DNAJB2: variants seen among roughly 807,000 people sequenced by gnomAD.
DNAJB2 encodes the protein DnaJ heat shock protein family (Hsp40) member B2.
In DNAJB2, 19 loss-of-function variants were observed where a neutral mutation model predicts 33.3. The observed-to-expected ratio is 0.57, with a 90% CI of 0.40 to 0.84. The LOEUF (loss-of-function observed/expected upper bound fraction) is 0.84. Ranked by LOEUF, DNAJB2 falls within the 40% of genes least tolerant of loss-of-function variation. The pLI, the probability that DNAJB2 is intolerant of heterozygous loss-of-function variation, is 0.00. For synonymous variants in DNAJB2, 172 were observed against 164.6 expected, an observed-to-expected ratio of 1.04 and a Z score of -0.34; for missense variants, 368 against 430.9, an observed-to-expected ratio of 0.85 and a Z score of 1.29.
At position 219,284,712 on chromosome 2, in the gene DNAJB2, A is replaced by G; in HGVS notation, c.700A>G (p.Thr234Ala). 1 of 1,612,852 alleles carries G rather than the reference A, an allele frequency of 6.2e-7. No individual in the cohort carries two copies. The highest frequency in any genetic ancestry group is 1.3e-5 in the African/African-American group (1 of 75,002). ...QPSVTSRSGG[T>A]QVQQTPASCP... is the part of the protein sequence containing the mutation. Reference sequence around the variant, plus strand: ...GTCAGTCACTTCCAGGTCTGGGGGCACTCAGGTCCAGCAGACCCCTGCCTC... The same window carrying G: ...GTCAGTCACTTCCAGGTCTGGGGGCGCTCAGGTCCAGCAGACCCCTGCCTC... The change falls in exon 9 of 9, where the codon ACT becomes GCT. Residue 234 changes from threonine (T) to alanine (A), a missense_variant. Transcript: ENST00000336576.
chr2:219,285,604 G>C lies in DNAJB2; in HGVS notation c.*617G>C. On this transcript the variant is annotated 3_prime_UTR_variant, in exon 9 of 9. Transcript: ENST00000336576. ...GGACTCCCTTCTTCCTTCCTTCCCC[G>C]AGAAGGCCTCAATGTGGCGAGGAAG... 1 of 1,073,070 alleles carries C rather than the reference G, an allele frequency of 9.3e-7. No homozygotes were observed. Among genetic ancestry groups the C allele is most frequent in the Non-Finnish European group, 1.1e-6 (1 of 885,624 alleles). 66.5% of individuals were successfully genotyped at this position (1,073,070 alleles called of 1,614,324 possible).
intron 3 of DNAJB2, chr2:219,281,434 G>A (rs747405713): frequency 7.7e-5 from 35 of 453,740 alleles, no homozygotes; most frequent in Non-Finnish European, 1.1e-4. Context: ...TATGTGTCAG[G>A]CACTGGTAGG....
rs569003467 is a variant in DNAJB2 at position 219,279,960 on chromosome 2, C to T, written c.65+62C>T. ...CTCCACCCGCCACCACCATGGGGCA[C>T]TTCAGAGTGACACCTGTAGGTGTCT... On this transcript the variant is annotated intron_variant, in intron 2 of 8. Transcript: ENST00000336576. This position sits in a 1 kb window ranked among gnomAD's most constrained non-coding sequence, Gnocchi z 4.9. 285 of 1,589,226 alleles carry T rather than the reference C, an allele frequency of 1.8e-4. 4 individuals carry two copies. In the South Asian group the frequency reaches 3.0e-3, roughly 17 times the overall value.
In DNAJB2 at chr2:219,285,776, G is replaced by T. The variant is rs1574902945; in HGVS notation, c.*789G>T. The T allele has an allele frequency of 1.5e-6, 2 of 1,363,412 alleles. No individual in the cohort carries two copies. The highest frequency in any genetic ancestry group is 5.3e-5 in the East Asian group (2 of 37,988). The allele number at this position is 1,363,412 out of a possible 1,614,324, so 84.5% of individuals were successfully genotyped here. A position where few individuals can be genotyped will look rare whatever the true frequency, so the allele number is the denominator to read the frequency against. On this transcript the variant is annotated 3_prime_UTR_variant, in exon 9 of 9. Transcript: ENST00000336576. ...GCCCTCACCCTCAGGACTAGGCAGA[G>T]GTGAGGCTGGCTCACCCTGAAGAGG...
chr2:219,284,497 C>G, intron 8 of DNAJB2, 135 bp from the exon 9 acceptor site: 2 of 1,139,636 alleles, frequency 1.8e-6, no homozygotes, highest in Non-Finnish European at 2.4e-6. Flanking sequence ...AAATCACAAG[C>G]CTAGGTGCCA....
Position 219,281,929 on chromosome 2 carries a change from G to T in DNAJB2, c.230-10G>T, listed in dbSNP as rs3731897. ...ATGCCCTAAGCTCTCTCCTCATCCT[G>T]CCTTTCCAGGAACTGGCCCATCTCG... On this transcript the variant is annotated splice_polypyrimidine_tract_variant and intron_variant, in intron 4 of 8. Coordinates refer to ENST00000336576, the MANE Select transcript of DNAJB2 (RefSeq NM_006736.6). 6.2e-7 allele frequency: 1 copy of T among 1,613,658 alleles called. No homozygotes were observed. Among genetic ancestry groups the T allele is most frequent in the Non-Finnish European group, 8.5e-7 (1 of 1,179,870 alleles).
Position 219,281,935 on chromosome 2 carries a change from C to A in DNAJB2, c.230-4C>A, listed in dbSNP as rs1951908527. Reference sequence around the variant, plus strand: ...TAAGCTCTCTCCTCATCCTGCCTTTCCAGGAACTGGCCCATCTCGGGCAGA... The same window carrying A: ...TAAGCTCTCTCCTCATCCTGCCTTTACAGGAACTGGCCCATCTCGGGCAGA... On this transcript the variant is annotated splice_polypyrimidine_tract_variant and splice_region_variant and intron_variant, in intron 4 of 8. Transcript: ENST00000336576. 2 of 1,614,028 alleles carry A rather than the reference C, an allele frequency of 1.2e-6. No homozygotes were observed. The highest frequency in any genetic ancestry group is 2.7e-5 in the African/African-American group (2 of 75,046).
chr2:219,284,582 T>C, intron 8 of DNAJB2, 50 bp from the exon 9 acceptor site: 1 of 1,535,762 alleles, frequency 6.5e-7, no homozygotes, highest in Non-Finnish European at 8.8e-7. Flanking sequence ...AGCCTGGCAG[T>C]AATACCCCTG....
rs1454600360 is a variant in DNAJB2, at chr2:219,283,437, G to T, written c.567G>T (p.Gln189His). ...CCCACAGAATCATGGAGAACGGGCA[G>T]GAGCGGGTGGAAGTGGAGGAGGATG... Reference protein sequence around the residue: ...ITTRRIMENGQERVEVEEDGQ... With the variant: ...ITTRRIMENGHERVEVEEDGQ... The change falls in exon 8 of 9, where the codon CAG becomes CAT. Residue 189 changes from glutamine to histidine, a missense_variant. By Grantham distance (24) the Gln-to-His change is conservative (BLOSUM62 0). Coordinates refer to ENST00000336576, the MANE Select transcript of DNAJB2 (RefSeq NM_006736.6). The T allele has an allele frequency of 3.1e-6, 5 of 1,614,016 alleles. No individual in the cohort carries two copies. In the Admixed American group the frequency reaches 8.3e-5, roughly 27 times the overall value.
In DNAJB2 at chr2:219,284,886, C is replaced by T; in HGVS notation, c.874C>T (p.Gln292Ter). 1.2e-6 allele frequency: 2 copies of T among 1,606,720 alleles called. No individual in the cohort carries two copies. Among genetic ancestry groups the T allele is most frequent in the Non-Finnish European group, 8.5e-7 (1 of 1,175,302 alleles). Residue 292 changes from glutamine to a stop codon, truncating the protein, a stop_gained, in exon 9 of 9, where the codon CAA (glutamine) becomes TAA (stop). Transcript: ENST00000336576. LOFTEE classifies it high-confidence loss of function. ...GCAGGGGCGGCCCAAGGCCCAGCACCAAGATCCAGGCTTGGGGGGGACCCA... is the reference window on the plus strand; with the variant it reads ...GCAGGGGCGGCCCAAGGCCCAGCACTAAGATCCAGGCTTGGGGGGGACCCA... ...RRQGRPKAQH[Q>*]DPGLGGTQEG... is the part of the protein sequence containing the mutation.
chr2:219,281,630 C>G, intron 3 of DNAJB2, 88 bp from the exon 4 acceptor site: 1 of 1,561,856 alleles, frequency 6.4e-7, no homozygotes, highest in East Asian at 2.3e-5. Flanking sequence ...GTCAGAGTGT[C>G]AGTCTCTGGA....
Position 219,279,863 on chromosome 2 carries a change from G to A in DNAJB2, c.30G>A (p.Val10=). 3 of 1,614,004 alleles carry A rather than the reference G, an allele frequency of 1.9e-6. No individual in the cohort carries two copies. Among genetic ancestry groups the A allele is most frequent in the Non-Finnish European group, 2.5e-6 (3 of 1,179,986 alleles). The change falls in exon 2 of 9, where the codon GTG becomes GTA. Residue 10 remains valine (V), a synonymous_variant. Transcript: ENST00000336576. This position sits in a 1 kb window ranked among gnomAD's most constrained non-coding sequence, Gnocchi z 4.9. ...CATCCTACTACGAGATCCTAGACGT[G>A]CCGCGAAGTGCGTCCGCTGATGACA... MASYYEILD[V]PRSASADDIK... is the part of the protein sequence containing the mutation.
chr2:219,279,798 C>T lies in DNAJB2; in HGVS notation c.-36C>T, dbSNP rs770735247. 44 of 1,612,262 alleles carry T rather than the reference C, an allele frequency of 2.7e-5. No individual in the cohort carries two copies. The East Asian group carries it at 8.9e-4, about 33-fold the overall frequency. ...CCGCCTGACTCCTTCTCTTCTGCAG[C>T]CCCAAGGAGGCCCGCCTGACGACTG... On this transcript the variant is annotated splice_region_variant and 5_prime_UTR_variant, in exon 2 of 9. Coordinates refer to ENST00000336576, the MANE Select transcript of DNAJB2 (RefSeq NM_006736.6). The surrounding 1 kb of genome is among the most constrained non-coding windows in gnomAD (Gnocchi z 4.9).
chr2:219,284,638 C>G lies in DNAJB2; in HGVS notation c.626C>G (p.Pro209Arg), dbSNP rs139434094. ...QLKSVTINGV[P>R]DDLALGLELS... Reference sequence around the variant, plus strand: ...GTGGCTGTGACTCTTGCAGGTGTCCCAGATGACCTGGCACTGGGCTTGGAG... The same window carrying G: ...GTGGCTGTGACTCTTGCAGGTGTCCGAGATGACCTGGCACTGGGCTTGGAG... Residue 209 changes from proline (P) to arginine (R), a missense_variant, in exon 9 of 9, where the codon CCA (proline) becomes CGA (arginine). Physicochemically the swap from Pro to Arg is moderately radical, Grantham distance 103 (BLOSUM62 -2). Coordinates refer to ENST00000336576, the MANE Select transcript of DNAJB2 (RefSeq NM_006736.6). The G allele has an allele frequency of 6.3e-7, 1 of 1,584,828 alleles. No homozygotes were observed. The highest frequency in any genetic ancestry group is 1.3e-5 in the African/African-American group (1 of 74,494).
chr2:219,279,714 C>T lies in DNAJB2; in HGVS notation c.-36-84C>T. ...TGTGCTCCGCTTCCAACTGGGAGCG[C>T]CTTCCGCCACCCGGGGAGGGGGACT... On this transcript the variant is annotated intron_variant, in intron 1 of 8. Coordinates refer to ENST00000336576, the MANE Select transcript of DNAJB2 (RefSeq NM_006736.6). The surrounding 1 kb of genome is among the most constrained non-coding windows in gnomAD (Gnocchi z 4.9). 8.9e-7 allele frequency: 1 copy of T among 1,126,410 alleles called. No homozygotes were observed. The highest frequency in any genetic ancestry group is 1.3e-6 in the Non-Finnish European group (1 of 786,086). The allele number at this position is 1,126,410 out of a possible 1,614,324, so 69.8% of individuals were successfully genotyped here.
rs527844097 is a variant in DNAJB2, at chr2:219,281,040, G to A, written c.175+353G>A. The A allele has an allele frequency of 6.2e-4, 168 of 269,326 alleles. 1 individual carries two copies. The highest frequency in any genetic ancestry group is 9.3e-4 in the Non-Finnish European group (130 of 140,122). The allele number at this position is 269,326 out of a possible 1,614,324, so 16.7% of individuals were successfully genotyped here. A position where few individuals can be genotyped will look rare whatever the true frequency, so the allele number is the denominator to read the frequency against. On this transcript the variant is annotated intron_variant, in intron 3 of 8. Transcript: ENST00000336576. ...GGCAAGGAAACTGAGGCTGAGAGAG[G>A]TGAAGTAACTTGCTCAAGGCCACGC...
At chr2:219,282,353 A>G (rs1951913180) in intron 5 of DNAJB2, 1 of 475,538 alleles carries the variant, frequency 2.1e-6, no homozygotes, top group Non-Finnish European at 3.8e-6. Flanking sequence ...TCTTGTGACA[A>G]TATTGTTATT....
chr2:219,280,512 C>G, intron 2 of DNAJB2, 66 bp from the exon 3 acceptor site: 1 of 1,316,830 alleles, frequency 7.6e-7, no homozygotes, highest in Non-Finnish European at 1.1e-6. Flanking sequence ...ACAGGTCGTT[C>G]GGTTCCTGGG....
chr2:219,280,902 G>A, intron 3 of DNAJB2: 2 of 563,812 alleles, frequency 3.5e-6, no homozygotes, highest in Non-Finnish European at 6.3e-6. Context: ...GAAGGAAGCA[G>A]GGCAGGTAAC....
Sources: gnomAD v4.1 joint callset for allele counts on GRCh38, gnomAD v4.1.1 for gene constraint, Gnocchi (gnomAD v3.1) non-coding constraint, MANE v1.5 for transcripts, NCBI Gene and HGNC (gene_info 2026-07-23, HGNC 2026-07-21) for gene names.